Variants in PPP1R42 observed in about 807,000 individuals in gnomAD.
PPP1R42 encodes protein phosphatase 1 regulatory subunit 42.
A neutral mutation model predicts 31.0 loss-of-function variants in PPP1R42; 34 were observed. That is an observed-to-expected ratio of 1.10 (90% CI 0.83 to 1.46). PPP1R42 has a LOEUF of 1.46. PPP1R42 is among the 40% of genes most tolerant of loss of function. The probability of loss-of-function intolerance (pLI) is 0.00; values close to 1 mark genes in which losing one functional copy is unlikely to be tolerated. For synonymous variants in PPP1R42, 103 were observed against 109.8 expected, an observed-to-expected ratio of 0.94 and a Z score of 0.39; for missense variants, 268 against 303.0, an observed-to-expected ratio of 0.88 and a Z score of 0.86.
At chr8:66,976,575 C>T (rs1022112435) in intron 7 of PPP1R42, among the ~76,000 whole-genome samples, 6 of 150,400 alleles carry the variant, frequency 4.0e-5, no homozygotes, top group Admixed American at 2.0e-4. Context: ...GTAGTATCCT[C>T]GTTCTACTTT....
At chr8:67,006,036 G>A (rs1293758292) in intron 5 of PPP1R42, among the ~76,000 whole-genome samples, 1 of 152,078 alleles carries the variant, frequency 6.6e-6, no homozygotes, top group Non-Finnish European at 1.5e-5. Flanking sequence ...TCACTCAACA[G>A]TGTATTTACT....
intron 5 of PPP1R42, among the ~76,000 whole-genome samples, chr8:67,000,881 A>G (rs1319882060): frequency 6.6e-6 from 1 of 152,198 alleles, no homozygotes; most frequent in African/African-American, 2.4e-5. Flanking sequence ...TGTTCTATCA[A>G]CCAATGCAAG....
At chr8:66,964,621 C>A (rs1471341810) in intron 7 of PPP1R42, among the ~76,000 whole-genome samples, 1 of 152,028 alleles carries the variant, frequency 6.6e-6, no homozygotes, top group African/African-American at 2.4e-5. Flanking sequence ...GTGTCTGGGG[C>A]TTCTTATATT....
At position 66,967,882 on chromosome 8, in the gene PPP1R42, C is replaced by T. The variant is rs1481034354; in HGVS notation, c.803-3548G>A. Among the ~76,000 whole-genome samples the T allele has an allele frequency of 2.6e-5, 4 of 151,002 alleles. No homozygotes were observed. The Admixed American group carries it at 2.7e-4, about 10-fold the overall frequency. On this transcript the variant is annotated intron_variant, in intron 7 of 7. Transcript: ENST00000685739. Reference sequence around the variant, plus strand: ...AATAATCAAGTAACAATTAGTTTTTCATTGTATGGTGCTACACAGTATTCT... The same window carrying T: ...AATAATCAAGTAACAATTAGTTTTTTATTGTATGGTGCTACACAGTATTCT...
At chr8:66,971,045 C>T (rs770365547) in intron 7 of PPP1R42, 52 of 1,532,454 alleles carry the variant, frequency 3.4e-5, no homozygotes, top group Middle Eastern at 1.7e-4. Flanking sequence ...TTTGCATTTA[C>T]AGGGTATCTC....
intron 1 of PPP1R42, among the ~76,000 whole-genome samples, chr8:67,026,203 T>A (rs1816392359): frequency 6.6e-6 from 1 of 151,684 alleles, no homozygotes; most frequent in South Asian, 2.1e-4. Context: ...CCGGGCATGG[T>A]GGCATATGCC....
At chr8:66,994,326 T>C (rs1385289093) in intron 5 of PPP1R42, among the ~76,000 whole-genome samples, 2 of 152,218 alleles carry the variant, frequency 1.3e-5, no homozygotes, top group African/African-American at 4.8e-5. Flanking sequence ...AGCTAGGGCA[T>C]GGCATTGTTT....
chr8:67,024,941 T>TTC (rs1816348984), intron 1 of PPP1R42, among the ~76,000 whole-genome samples: 2 of 150,870 alleles, frequency 1.3e-5, no homozygotes, highest in African/African-American at 4.9e-5. Context: ...TTTAATTTTT[T>TTC]TTTTTTTTTT....
At chr8:66,984,650 T>G (rs1814948849) in intron 6 of PPP1R42, 2 of 1,398,854 alleles carry the variant, frequency 1.4e-6, no homozygotes, top group African/African-American at 2.8e-5. Context: ...TTCTTGACCT[T>G]TCTGTGTTTT....
At chr8:67,024,935 ATTTTTT>A (rs111426449) in intron 1 of PPP1R42, among the ~76,000 whole-genome samples, 1 of 133,798 alleles carries the variant, frequency 7.5e-6, no homozygotes, top group African/African-American at 2.7e-5. Flanking sequence ...TAGGATTTTA[ATTTTTT>A]TTTTTTTTTT....
Position 67,010,803 on chromosome 8 carries a change from T to C in PPP1R42, c.464A>G (p.Asn155Ser), listed in dbSNP as rs369703817. Reference sequence around the variant, plus strand: ...GTCTGTAATGTCATCAATATTATTATTGCTGATATTCAATATACAGAGGGA... The same window carrying C: ...GTCTGTAATGTCATCAATATTATTACTGCTGATATTCAATATACAGAGGGA... ...AKSLCILNISNNNIDDITDLE... is the reference protein window; with the variant it reads ...AKSLCILNISSNNIDDITDLE... Residue 155 changes from asparagine (N) to serine (S), a missense_variant, in exon 5 of 8, where the codon AAT (asparagine) becomes AGT (serine). Asn to Ser is a conservative substitution (Grantham distance 46). Coordinates refer to ENST00000685739, the MANE Select transcript of PPP1R42 (RefSeq NM_001364910.1). 2 of 1,602,078 alleles carry C rather than the reference T, an allele frequency of 1.2e-6. No individual in the cohort carries two copies.
intron 1 of PPP1R42, among the ~76,000 whole-genome samples, chr8:67,025,755 A>G (rs1280831458): frequency 6.6e-6 from 1 of 152,170 alleles, no homozygotes; most frequent in Admixed American, 6.5e-5. Flanking sequence ...CTGTAATCCC[A>G]GCACTTTGGG....
chr8:66,970,082 G>A (rs553342276), intron 7 of PPP1R42, among the ~76,000 whole-genome samples: 1 of 152,252 alleles, frequency 6.6e-6, no homozygotes, highest in Admixed American at 6.5e-5. Context: ...GCATATGGCA[G>A]ATGTCTCATG....
intron 5 of PPP1R42, among the ~76,000 whole-genome samples, chr8:66,995,446 A>G (rs1815309051): frequency 6.6e-6 from 1 of 152,220 alleles, no homozygotes; most frequent in Non-Finnish European, 1.5e-5. Context: ...GGGAGGGAAA[A>G]GCAACTTTTG....
At chr8:66,995,072 C>T (rs115479195) in intron 5 of PPP1R42, among the ~76,000 whole-genome samples, 1,696 of 152,190 alleles carry the variant, frequency 0.011, 31 homozygotes, top group African/African-American at 0.039. Context: ...TGTCAGTGAC[C>T]TTATATATGG....
At chr8:67,027,773 T>C (rs1816447118) in intron 1 of PPP1R42, among the ~76,000 whole-genome samples, 1 of 152,174 alleles carries the variant, frequency 6.6e-6, no homozygotes, top group Non-Finnish European at 1.5e-5. Flanking sequence ...GAGATTGTGT[T>C]CTAAAGTTTG....
rs183090512 is a variant in PPP1R42, at chr8:67,026,195, G to A, written c.-85+2296C>T. Among the ~76,000 whole-genome samples the A allele has an allele frequency of 2.7e-3, 414 of 151,594 alleles. 2 individuals are homozygous for A. Among genetic ancestry groups the A allele is most frequent in the Non-Finnish European group, 4.3e-3 (294 of 67,888 alleles). ...TACTAAAAATACAAAAAAATTAGCCGGGCATGGTGGCATATGCCTGTAATC... is the reference window on the plus strand; with the variant it reads ...TACTAAAAATACAAAAAAATTAGCCAGGCATGGTGGCATATGCCTGTAATC... On this transcript the variant is annotated intron_variant, in intron 1 of 7. Transcript: ENST00000685739.
At chr8:66,970,513 C>T (rs73691160) in intron 7 of PPP1R42, among the ~76,000 whole-genome samples, 2,378 of 152,304 alleles carry the variant, frequency 0.016, 56 homozygotes, top group African/African-American at 0.053. Context: ...AAACTTCTGC[C>T]TCCTTCAGAG....
intron 7 of PPP1R42, among the ~76,000 whole-genome samples, chr8:66,976,072 C>T (rs563702705): frequency 2.6e-5 from 4 of 152,204 alleles, no homozygotes; most frequent in African/African-American, 9.6e-5. Context: ...CTCGCATTAC[C>T]ACCTGAGCTC....
Sources: allele counts gnomAD v4.1 joint callset (sites outside exome capture counted in the v4.1 genomes callset), GRCh38; gene constraint gnomAD v4.1.1; transcripts MANE v1.5; gene names NCBI Gene and HGNC (gene_info 2026-07-23, HGNC 2026-07-21).